PLEKHD1: variants seen among roughly 807,000 people sequenced by gnomAD.
PLEKHD1 encodes the protein pleckstrin homology and coiled-coil domain containing D1, also known as pleckstrin homology domain-containing family D member 1.
PLEKHD1 carries 51 observed loss-of-function variants against 69.2 expected under a neutral mutation model. The ratio of observed to expected loss-of-function variants is 0.74; its 90% CI spans 0.59 to 0.93. The LOEUF is 0.93. Among genes scored for constraint, PLEKHD1 ranks in the 40% least tolerant of loss-of-function variants. The pLI, the probability that PLEKHD1 is intolerant of heterozygous loss-of-function variation, is 0.00. For missense variants in PLEKHD1, 584 were observed against 641.0 expected (o/e 0.91, Z 0.96); for synonymous variants, 236 against 244.7 (o/e 0.96, Z 0.33).
At chr14:69,484,665 G>A (rs1050866088), upstream of PLEKHD1, 3 of 294,408 alleles carry the variant, frequency 1.0e-5, no homozygotes, top group Non-Finnish European at 1.3e-5. Context: ...CGCCGGGGGG[G>A]TGGGTGGCTA....
intron 6 of PLEKHD1, among the ~76,000 whole-genome samples, chr14:69,509,828 C>T (rs1021677523): frequency 2.6e-5 from 4 of 151,992 alleles, no homozygotes; most frequent in Non-Finnish European, 5.9e-5. Flanking sequence ...ATCCCAGCTA[C>T]TCAGGAGACT....
the PLEKHD1 span, among the ~76,000 whole-genome samples, chr14:69,478,561 T>G: frequency 6.6e-6 from 1 of 152,296 alleles, no homozygotes; most frequent in South Asian, 2.1e-4. Context: ...TACTTAGAGA[T>G]TTCTTCCACC....
intron 6 of PLEKHD1, among the ~76,000 whole-genome samples, chr14:69,518,538 G>A (rs1883437738): frequency 6.6e-6 from 1 of 152,194 alleles, no homozygotes; most frequent in Admixed American, 6.5e-5. Context: ...CATTGAGCTC[G>A]TAAATTAATT....
Position 69,484,794 on chromosome 14 carries a change from G to T in PLEKHD1, c.-172G>T. ...CCGGCTACGCGCCCTGCGCCCCCTT[G>T]GTGCCGCGTCCAGTGCCCAGCGCGC... is the stretch of plus-strand genomic sequence containing the variant. On this transcript the variant is annotated 5_prime_UTR_variant, in exon 1 of 13. Coordinates refer to ENST00000322564, the MANE Select transcript of PLEKHD1 (RefSeq NM_001161498.2). The T allele has an allele frequency of 2.8e-6, 2 of 701,982 alleles. No homozygotes were observed. Among genetic ancestry groups the T allele is most frequent in the Non-Finnish European group, 2.2e-6 (1 of 449,002 alleles). The allele number at this position is 701,982 out of a possible 1,614,324, so 43.5% of individuals were successfully genotyped here.
chr14:69,525,583 G>C (rs1051103814), intron 8 of PLEKHD1, among the ~76,000 whole-genome samples: 16 of 152,118 alleles, frequency 1.1e-4, no homozygotes, highest in African/African-American at 3.6e-4. Flanking sequence ...GTTTGTGAGA[G>C]CATCTAAATA....
intron 1 of PLEKHD1, among the ~76,000 whole-genome samples, chr14:69,490,842 C>T (rs1356419187): frequency 6.6e-6 from 1 of 152,126 alleles, no homozygotes; most frequent in African/African-American, 2.4e-5. Flanking sequence ...TCTCCAGTTC[C>T]ACCCCCTACA....
At chr14:69,497,938 G>A (rs915064154) in intron 1 of PLEKHD1, among the ~76,000 whole-genome samples, 1 of 152,124 alleles carries the variant, frequency 6.6e-6, no homozygotes, top group Non-Finnish European at 1.5e-5. Flanking sequence ...TGTAATCCCA[G>A]CACTTTGAGA....
In PLEKHD1 at chr14:69,525,940, C is replaced by T. The variant is rs777180612; in HGVS notation, c.745-4C>T. The T allele has an allele frequency of 1.9e-6, 3 of 1,548,060 alleles. No homozygotes were observed. Among genetic ancestry groups the T allele is most frequent in the South Asian group, 2.4e-5 (2 of 83,298 alleles). ...TTTCTTTTCCTTGCCTCCCTCCATG[C>T]CAGGAACTCTCCATAGAGAAGAAGA... On this transcript the variant is annotated splice_region_variant and splice_polypyrimidine_tract_variant and intron_variant, in intron 8 of 12. Transcript: ENST00000322564.
rs1486753370 is a variant in PLEKHD1 at position 69,525,937 on chromosome 14, A to G, written c.745-7A>G. ...GCTTTTCTTTTCCTTGCCTCCCTCCATGCCAGGAACTCTCCATAGAGAAGA... is the reference window on the plus strand; with the variant it reads ...GCTTTTCTTTTCCTTGCCTCCCTCCGTGCCAGGAACTCTCCATAGAGAAGA... On this transcript the variant is annotated splice_region_variant and splice_polypyrimidine_tract_variant and intron_variant, in intron 8 of 12. Coordinates refer to ENST00000322564, the MANE Select transcript of PLEKHD1 (RefSeq NM_001161498.2). 1.9e-6 allele frequency: 3 copies of G among 1,545,870 alleles called. No individual in the cohort carries two copies. The highest frequency in any genetic ancestry group is 2.0e-5 in the Admixed American group (1 of 49,434).
chr14:69,474,401 TA>T, the PLEKHD1 span, among the ~76,000 whole-genome samples: 20 of 152,224 alleles, frequency 1.3e-4, no homozygotes, highest in African/African-American at 4.6e-4. Context: ...GGGCCAGAGC[TA>T]ACATTCTTTT....
upstream of PLEKHD1, among the ~76,000 whole-genome samples, chr14:69,479,842 AC>A (rs986735120): frequency 6.6e-6 from 1 of 152,128 alleles, no homozygotes; most frequent in African/African-American, 2.4e-5. Context: ...GCTTTCACAT[AC>A]GTTCCCAACC....
At chr14:69,469,202 A>T in the PLEKHD1 span, among the ~76,000 whole-genome samples, 2 of 152,032 alleles carry the variant, frequency 1.3e-5, no homozygotes, top group South Asian at 2.1e-4. Context: ...AGAGAGGAGG[A>T]TGTTAGAGGG....
chr14:69,471,939 G>T, the PLEKHD1 span, among the ~76,000 whole-genome samples: 9 of 152,044 alleles, frequency 5.9e-5, no homozygotes, highest in Admixed American at 2.0e-4. Context: ...AGAGCTTAAG[G>T]TTCCTTCCAA....
rs563800084 is a variant in PLEKHD1, at chr14:69,516,797, G to A, written c.556-5486G>A. The stretch of plus-strand genomic sequence containing the variant: ...TGATCCTCTCACCTCAGCCTTCCAA[G>A]TAGCTGAGACCACAGGTGCACACTA... On this transcript the variant is annotated intron_variant, in intron 6 of 12. Coordinates refer to ENST00000322564, the MANE Select transcript of PLEKHD1 (RefSeq NM_001161498.2). Among the ~76,000 whole-genome samples, 3 of 152,286 alleles carry A rather than the reference G, an allele frequency of 2.0e-5. No homozygotes were observed. In the East Asian group the frequency reaches 5.8e-4, roughly 29 times the overall value.
At chr14:69,477,388 A>G in the PLEKHD1 span, among the ~76,000 whole-genome samples, 1 of 152,220 alleles carries the variant, frequency 6.6e-6, no homozygotes, top group Non-Finnish European at 1.5e-5. Context: ...AAACCATATC[A>G]TTCTGCCCCT....
At chr14:69,517,338 T>C (rs2139523014) in intron 6 of PLEKHD1, among the ~76,000 whole-genome samples, 1 of 152,250 alleles carries the variant, frequency 6.6e-6, no homozygotes, top group South Asian at 2.1e-4. Context: ...GTGTTTATGA[T>C]ATCTTTGGAT....
At chr14:69,470,686 A>G in the PLEKHD1 span, among the ~76,000 whole-genome samples, 2 of 152,188 alleles carry the variant, frequency 1.3e-5, no homozygotes, top group African/African-American at 2.4e-5. Flanking sequence ...CAGAAGCAGC[A>G]GTAGTGGCAT....
intron 10 of PLEKHD1, 114 bp downstream of exon 10, chr14:69,526,943 G>C (rs1883665293): frequency 7.1e-7 from 1 of 1,399,108 alleles, no homozygotes; most frequent in Non-Finnish European, 9.4e-7. Context: ...TGACCAGACA[G>C]CCAGGCATGG....
the PLEKHD1 span, among the ~76,000 whole-genome samples, chr14:69,471,090 C>CTT: frequency 3.6e-3 from 162 of 44,758 alleles, 25 homozygotes; most frequent in African/African-American, 6.6e-3. Flanking sequence ...CGTGCCTGGC[C>CTT]TTTTTTTTTT....
Sources: gnomAD v4.1 joint callset for allele counts (sites outside exome capture counted in the v4.1 genomes callset) on GRCh38, gnomAD v4.1.1 for gene constraint, MANE v1.5 for transcripts, NCBI Gene and HGNC (gene_info 2026-07-23, HGNC 2026-07-21) for gene names.